The following GAREM1 variants were observed in gnomAD, a reference collection of about 807,000 sequenced individuals.
The protein encoded by GAREM1 is GRB2 associated regulator of MAPK1 subtype 1.
A neutral mutation model predicts 71.3 loss-of-function variants in GAREM1; 26 were observed. The observed-to-expected ratio is 0.36, with a 90% confidence interval of 0.27 to 0.51. The LOEUF (loss-of-function observed/expected upper bound fraction) is 0.51, where lower values mean the gene tolerates loss of function less well. Ranked by LOEUF, GAREM1 falls within the 20% of genes least tolerant of loss-of-function variation. GAREM1 has a pLI of 0.95. For missense variants in GAREM1, 1,026 were observed against 1,103.1 expected (o/e 0.93, Z 0.99); for synonymous variants, 440 against 433.2 (o/e 1.02, Z -0.20).
chr18:32,287,824 T>G lies in GAREM1; in HGVS notation c.773A>C (p.Asn258Thr). The G allele has an allele frequency of 6.2e-7, 1 of 1,613,778 alleles. No homozygotes were observed. The highest frequency in any genetic ancestry group is 8.5e-7 in the Non-Finnish European group (1 of 1,179,968). Residue 258 changes from asparagine (N) to threonine (T), a missense_variant, in exon 4 of 6, where the codon AAC (asparagine) becomes ACC (threonine). Coordinates refer to ENST00000269209, the MANE Select transcript of GAREM1 (RefSeq NM_001242409.2). This position sits in a 1 kb window ranked among gnomAD's most constrained non-coding sequence, Gnocchi z 5.9. ...ACGGATGAAGTGGAGGTCGTATGGGTTTCTCGGTGGAGGGCTTGGCACAGT... is the reference window on the plus strand; with the variant it reads ...ACGGATGAAGTGGAGGTCGTATGGGGTTCTCGGTGGAGGGCTTGGCACAGT... ...NVTVPSPPPR[N>T]PYDLHFIREG...
chr18:32,444,167 A>G (rs2048766098), intron 1 of GAREM1, among the ~76,000 whole-genome samples: 1 of 152,306 alleles, frequency 6.6e-6, no homozygotes, highest in South Asian at 2.1e-4. Context: ...TGCTAGTGAT[A>G]AAAATGTTCT....
At chr18:32,457,601 A>G (rs927353836) in intron 1 of GAREM1, among the ~76,000 whole-genome samples, 1 of 152,084 alleles carries the variant, frequency 6.6e-6, no homozygotes, top group African/African-American at 2.4e-5. Context: ...GATCTACTAT[A>G]AAGTTAATTT....
At position 32,356,182 on chromosome 18, in the gene GAREM1, TAA is replaced by T. The variant is rs148538517; in HGVS notation, c.262+36711_262+36712del. On this transcript the variant is annotated intron_variant, in intron 2 of 5. Coordinates refer to ENST00000269209, the MANE Select transcript of GAREM1 (RefSeq NM_001242409.2). ...ATTTTTTTCCCATTTCTAAAAAAGT[TAA>T]AGTCTCCAAAAACTTTTCCTTGAGA... 8.5e-3 allele frequency among the ~76,000 whole-genome samples: 1,302 copies of T among 152,296 alleles called. 19 individuals are homozygous for T. Among genetic ancestry groups the T allele is most frequent in the African/African-American group, 0.03 (1,233 of 41,570 alleles).
chr18:32,314,082 CA>C (rs201650398), intron 2 of GAREM1, among the ~76,000 whole-genome samples: 5,146 of 146,110 alleles, frequency 0.035, 277 homozygotes, highest in African/African-American at 0.12. Context: ...TACTTTTTGA[CA>C]AAAAAAGTTT....
rs1032393208 is a variant in GAREM1 at position 32,436,375 on chromosome 18, G to T, written c.121+33933C>A. ...GCTCTAGTTTACCAGTTGTGTGTGT[G>T]TGTATGACTTGCAATGTCTTATCCA... On this transcript the variant is annotated intron_variant, in intron 1 of 5. Transcript: ENST00000269209. 2.0e-5 allele frequency among the ~76,000 whole-genome samples: 3 copies of T among 152,294 alleles called. No homozygotes were observed. In the East Asian group the frequency reaches 5.8e-4, roughly 29 times the overall value.
At chr18:32,394,906 C>A (rs1362613887) in intron 1 of GAREM1, among the ~76,000 whole-genome samples, 1 of 152,190 alleles carries the variant, frequency 6.6e-6, no homozygotes, top group Non-Finnish European at 1.5e-5. Context: ...ACAACAGGCC[C>A]TGCTGCACAG....
chr18:32,419,068 C>T (rs913350857), intron 1 of GAREM1, among the ~76,000 whole-genome samples: 2 of 152,202 alleles, frequency 1.3e-5, no homozygotes, highest in Non-Finnish European at 2.9e-5. Context: ...GTTGTTAAGA[C>T]TGAAGTCCCT....
chr18:32,457,593 T>C (rs1206140799), intron 1 of GAREM1, among the ~76,000 whole-genome samples: 1 of 152,020 alleles, frequency 6.6e-6, no homozygotes, highest in Non-Finnish European at 1.5e-5. Flanking sequence ...GTCTACCTGA[T>C]CTACTATAAA....
At chr18:32,320,679 T>C (rs965369830) in intron 2 of GAREM1, among the ~76,000 whole-genome samples, 33 of 152,228 alleles carry the variant, frequency 2.2e-4, no homozygotes, top group African/African-American at 7.7e-4. Flanking sequence ...CTTCCAATTC[T>C]GAAACTCCAT....
intron 2 of GAREM1, among the ~76,000 whole-genome samples, chr18:32,380,838 T>C (rs1231402051): frequency 6.6e-6 from 1 of 152,082 alleles, no homozygotes; most frequent in African/African-American, 2.4e-5. Flanking sequence ...TTTTCTTAAA[T>C]AAGGAGGTAA....
At chr18:32,453,303 G>C (rs554572866) in intron 1 of GAREM1, among the ~76,000 whole-genome samples, 2 of 152,216 alleles carry the variant, frequency 1.3e-5, no homozygotes, top group East Asian at 3.9e-4. Context: ...AATTAGGAGA[G>C]CTACAATTCA....
chr18:32,400,254 C>T (rs1033315646), intron 1 of GAREM1, among the ~76,000 whole-genome samples: 69 of 152,248 alleles, frequency 4.5e-4, no homozygotes, highest in African/African-American at 1.6e-3. Flanking sequence ...ATTCAGGACA[C>T]AGGCATGGGC....
intron 2 of GAREM1, among the ~76,000 whole-genome samples, chr18:32,391,629 C>A (rs1380505001): frequency 6.6e-6 from 1 of 152,142 alleles, no homozygotes; most frequent in Non-Finnish European, 1.5e-5. Context: ...CTAGTAGGAA[C>A]CATTCTGATG....
chr18:32,464,014 G>T (rs1483814754), intron 1 of GAREM1, among the ~76,000 whole-genome samples: 1 of 149,740 alleles, frequency 6.7e-6, no homozygotes, highest in Non-Finnish European at 1.5e-5. Flanking sequence ...AAGGCTGGGC[G>T]TGGTGGCTCA....
chr18:32,465,312 A>G (rs1429116460), intron 1 of GAREM1, among the ~76,000 whole-genome samples: 4 of 152,236 alleles, frequency 2.6e-5, no homozygotes, highest in African/African-American at 4.8e-5. Context: ...TTCAATTTCA[A>G]TGATAAAACA....
At chr18:32,329,924 G>A (rs1332806330) in intron 2 of GAREM1, among the ~76,000 whole-genome samples, 2 of 152,020 alleles carry the variant, frequency 1.3e-5, no homozygotes, top group Non-Finnish European at 2.9e-5. Flanking sequence ...AGTGTCGGGG[G>A]AATGCATGAG....
Position 32,287,801 on chromosome 18 carries a change from G to A in GAREM1, c.796C>T (p.Arg266Cys), listed in dbSNP as rs766396873. The change falls in exon 4 of 6, where the codon CGT (arginine) becomes TGT (cysteine). Residue 266 changes from arginine (R) to cysteine (C), a missense_variant. Arg to Cys is a radical substitution (Grantham distance 180, BLOSUM62 -3). Around this residue, in one of 3 missense-constraint regions of GAREM1, gnomAD observed 218 missense variants for 296.8 expected, o/e 0.73. Coordinates refer to ENST00000269209, the MANE Select transcript of GAREM1 (RefSeq NM_001242409.2). This position sits in a 1 kb window ranked among gnomAD's most constrained non-coding sequence, Gnocchi z 5.9. ...ACAAACTTATAGCGGTGCCCCTCAC[G>A]GATGAAGTGGAGGTCGTATGGGTTT... Reference protein sequence around the residue: ...PRNPYDLHFIREGHRYKFVNI... With the variant: ...PRNPYDLHFICEGHRYKFVNI... 3.1e-6 allele frequency: 5 copies of A among 1,613,708 alleles called. No individual in the cohort carries two copies. Among genetic ancestry groups the A allele is most frequent in the Admixed American group, 1.7e-5 (1 of 59,978 alleles).
rs558957774 is a variant in GAREM1 at position 32,413,444 on chromosome 18, A to G, written c.122-20409T>C. Among the ~76,000 whole-genome samples, 17 of 152,328 alleles carry G rather than the reference A, an allele frequency of 1.1e-4. No individual in the cohort carries two copies. In the East Asian group the frequency reaches 2.1e-3, roughly 19 times the overall value. On this transcript the variant is annotated intron_variant, in intron 1 of 5. Coordinates refer to ENST00000269209, the MANE Select transcript of GAREM1 (RefSeq NM_001242409.2). Reference sequence around the variant, plus strand: ...CTGAATTTTAATATTCTCTGTACACATAACAGAGGGTTAATAAGAAAAATG... The same window carrying G: ...CTGAATTTTAATATTCTCTGTACACGTAACAGAGGGTTAATAAGAAAAATG...
At chr18:32,429,208 T>C (rs2048602010) in intron 1 of GAREM1, among the ~76,000 whole-genome samples, 1 of 152,206 alleles carries the variant, frequency 6.6e-6, no homozygotes, top group Non-Finnish European at 1.5e-5. Context: ...ACCGCTTTTA[T>C]ATCAATAACA....
Sources: gnomAD v4.1 joint callset for allele counts (sites outside exome capture counted in the v4.1 genomes callset) on GRCh38, gnomAD v4.1.1 for gene constraint, gnomAD v4.1.1 regional missense constraint, Gnocchi (gnomAD v3.1) non-coding constraint, MANE v1.5 for transcripts, NCBI Gene and HGNC (gene_info 2026-07-23, HGNC 2026-07-21) for gene names.